Variants in RNF121 observed in about 807,000 individuals in gnomAD.
RNF121 encodes ring finger protein 121.
Under a neutral mutation model 46.5 loss-of-function variants are expected in RNF121, and 21 were observed. The observed-to-expected ratio is 0.45, with a 90% CI of 0.32 to 0.65. RNF121 has a LOEUF of 0.65. Among genes scored for constraint, RNF121 ranks in the 30% least tolerant of loss-of-function variants. The pLI is 0.04. For missense variants in RNF121, 346 were observed against 416.0 expected, an observed-to-expected ratio of 0.83 and a Z score of 1.46; for synonymous variants, 139 against 144.7, an observed-to-expected ratio of 0.96 and a Z score of 0.28.
In RNF121 at chr11:71,982,742, G is replaced by C; in HGVS notation, c.244-19G>C. 1 of 1,600,252 alleles carries C rather than the reference G, an allele frequency of 6.2e-7. No individual in the cohort carries two copies. Among genetic ancestry groups the C allele is most frequent in the Non-Finnish European group, 8.5e-7 (1 of 1,173,556 alleles). Reference sequence around the variant, plus strand: ...AGAGGGAGCTGGCCAGAGCTGAAGTGCTTGTGTTTGTGTTTCAGATGGTGA... The same window carrying C: ...AGAGGGAGCTGGCCAGAGCTGAAGTCCTTGTGTTTGTGTTTCAGATGGTGA... On this transcript the variant is annotated intron_variant, in intron 3 of 8. Coordinates refer to ENST00000361756, the MANE Select transcript of RNF121 (RefSeq NM_018320.5).
chr11:71,984,745 ATTTTTTTTTTT>A (rs56134788), intron 4 of RNF121, among the ~76,000 whole-genome samples: 4 of 94,868 alleles, frequency 4.2e-5, no homozygotes, highest in South Asian at 3.8e-4. Context: ...CACCCGGCTA[ATTTTTTTTTTT>A]TTTTTTTTTT....
Position 71,996,346 on chromosome 11 carries a change from C to T in RNF121, c.*31C>T, listed in dbSNP as rs759533522. ...AAGAGCATCAGTGGAAAACCCACCC[C>T]ACACGCCATGGACCTCAGGGCACTC... On this transcript the variant is annotated 3_prime_UTR_variant, in exon 9 of 9. Coordinates refer to ENST00000361756, the MANE Select transcript of RNF121 (RefSeq NM_018320.5). 57 of 1,611,514 alleles carry T rather than the reference C, an allele frequency of 3.5e-5. No homozygotes were observed. The highest frequency in any genetic ancestry group is 4.8e-5 in the Non-Finnish European group (57 of 1,178,682).
rs1953191469 is a variant in RNF121, at chr11:71,929,047, G to GGGCGAGCCGTGAAGAT, written c.-10_6dup. On this transcript the variant is annotated 5_prime_UTR_variant, in exon 1 of 9. It adds an upstream start codon to the 5' untranslated region. Coordinates refer to ENST00000361756, the MANE Select transcript of RNF121 (RefSeq NM_018320.5). Reference sequence around the variant, plus strand: ...GGCTCGCGCGGGGACTGCGGTGAGGGGGCGAGCCGTGAAGATGGCGGCAGT... The same window carrying GGGCGAGCCGTGAAGAT: ...GGCTCGCGCGGGGACTGCGGTGAGGGGGCGAGCCGTGAAGATGGCGAGCCGTGAAGATGGCGGCAGT... 6.4e-7 allele frequency: 1 copy of GGGCGAGCCGTGAAGAT among 1,551,088 alleles called. No homozygotes were observed.
At position 71,967,875 on chromosome 11, in the gene RNF121, A is replaced by T. The variant is rs55673306; in HGVS notation, c.243+6984A>T. Among the ~76,000 whole-genome samples the T allele has an allele frequency of 2.0e-3, 309 of 152,148 alleles. 2 individuals are homozygous for T. The highest frequency in any genetic ancestry group is 7.1e-3 in the African/African-American group (295 of 41,502). ...TATTATTCACAGCTTGAGCCATATG[A>T]TATATTTGGTACATTTTCTTTCCTT... On this transcript the variant is annotated intron_variant, in intron 3 of 8. Coordinates refer to ENST00000361756, the MANE Select transcript of RNF121 (RefSeq NM_018320.5).
In RNF121 at chr11:71,996,460, G is replaced by C; in HGVS notation, c.*145G>C. 1 of 928,888 alleles carries C rather than the reference G, an allele frequency of 1.1e-6. No individual in the cohort carries two copies. The highest frequency in any genetic ancestry group is 1.6e-6 in the Non-Finnish European group (1 of 634,978). The allele number at this position is 928,888 out of a possible 1,614,324, so 57.5% of individuals were successfully genotyped here. A position where few individuals can be genotyped will look rare whatever the true frequency, so the allele number is the denominator to read the frequency against. On this transcript the variant is annotated 3_prime_UTR_variant, in exon 9 of 9. Transcript: ENST00000361756. ...GACCCCTCTGGCTGTGTCGGACTGGGGAGGGATATGATGGAGAGCCAGCCA... is the reference window on the plus strand; with the variant it reads ...GACCCCTCTGGCTGTGTCGGACTGGCGAGGGATATGATGGAGAGCCAGCCA...
chr11:71,960,138 G>A (rs184474260), intron 2 of RNF121, among the ~76,000 whole-genome samples: 4 of 152,292 alleles, frequency 2.6e-5, no homozygotes, highest in Admixed American at 6.5e-5. Flanking sequence ...AGCCTTTGAG[G>A]AGGCTGTTTA....
At position 71,996,171 on chromosome 11, in the gene RNF121, CTCTTT is replaced by C; in HGVS notation, c.864-18_864-14del. 6.2e-7 allele frequency: 1 copy of C among 1,613,582 alleles called. No homozygotes were observed. The highest frequency in any genetic ancestry group is 8.5e-7 in the Non-Finnish European group (1 of 1,179,716). On this transcript the variant is annotated intron_variant, in intron 8 of 8. Coordinates refer to ENST00000361756, the MANE Select transcript of RNF121 (RefSeq NM_018320.5). ...ACTCCTGGCAGCTCTTGCACAGAGT[CTCTTT>C]TCTTTAACACACTGACAGCTGGGAG...
chr11:71,983,137 AT>A, intron 4 of RNF121: 1 of 379,238 alleles, frequency 2.6e-6, no homozygotes, highest in African/African-American at 2.1e-5. Context: ...GTTTCAAGGT[AT>A]TTTTATATTA....
At chr11:71,929,333 C>T (rs1953203812) in intron 1 of RNF121, among the ~76,000 whole-genome samples, 1 of 151,418 alleles carries the variant, frequency 6.6e-6, no homozygotes, top group African/African-American at 2.4e-5. Context: ...CTTGCATTAG[C>T]CTCAAGGGTG....
intron 1 of RNF121, among the ~76,000 whole-genome samples, chr11:71,942,500 C>T (rs1365171969): frequency 1.3e-5 from 2 of 151,926 alleles, no homozygotes; most frequent in African/African-American, 2.4e-5. Flanking sequence ...CAGTGGCTCA[C>T]GCCTGTAATC....
chr11:71,955,049 G>A (rs1953960074), intron 1 of RNF121, among the ~76,000 whole-genome samples: 1 of 152,120 alleles, frequency 6.6e-6, no homozygotes, highest in Non-Finnish European at 1.5e-5. Context: ...TATGTTCATG[G>A]GATGGAAACA....
chr11:71,971,016 A>G (rs1204610892), intron 3 of RNF121, among the ~76,000 whole-genome samples: 3 of 152,254 alleles, frequency 2.0e-5, no homozygotes, highest in Non-Finnish European at 2.9e-5. Flanking sequence ...CTAGATTTGT[A>G]CATAATACTG....
intron 3 of RNF121, among the ~76,000 whole-genome samples, chr11:71,972,905 G>A (rs1259091797): frequency 2.6e-5 from 4 of 152,116 alleles, no homozygotes; most frequent in Admixed American, 1.3e-4. Context: ...TAGGCTGGGC[G>A]GCTGGGTGCG....
At chr11:71,935,977 A>C (rs976690063) in intron 1 of RNF121, among the ~76,000 whole-genome samples, 90 of 147,970 alleles carry the variant, frequency 6.1e-4, no homozygotes, top group Non-Finnish European at 8.3e-4. Context: ...CCTCCTGAGT[A>C]GCTGGGACTA....
At chr11:71,993,935 G>A (rs1022209434) in intron 6 of RNF121, among the ~76,000 whole-genome samples, 4 of 151,264 alleles carry the variant, frequency 2.6e-5, no homozygotes, top group Admixed American at 1.3e-4. Flanking sequence ...CTGCCTCCCG[G>A]GTTCACGCCA....
chr11:71,932,108 G>A (rs760069025), intron 1 of RNF121, among the ~76,000 whole-genome samples: 1 of 152,130 alleles, frequency 6.6e-6, no homozygotes, highest in South Asian at 2.1e-4. Context: ...AAGTTGAGAC[G>A]TAATTTAGGC....
chr11:71,962,151 G>A (rs968393459), intron 3 of RNF121: 7 of 159,456 alleles, frequency 4.4e-5, no homozygotes, highest in African/African-American at 1.7e-4. Context: ...TGTATTTTTA[G>A]TAGAGACGGG....
intron 5 of RNF121, among the ~76,000 whole-genome samples, chr11:71,988,651 A>AG (rs1954811827): frequency 1.3e-5 from 2 of 150,378 alleles, no homozygotes; most frequent in Admixed American, 6.6e-5. Flanking sequence ...AAAAAAAAAA[A>AG]AAAAGAAAGA....
At chr11:71,943,461 C>T (rs1953636522) in intron 1 of RNF121, among the ~76,000 whole-genome samples, 1 of 152,206 alleles carries the variant, frequency 6.6e-6, no homozygotes, top group African/African-American at 2.4e-5. Context: ...TAAGGTAATG[C>T]TGTCAGCTTT....
Sources: allele counts gnomAD v4.1 joint callset (sites outside exome capture counted in the v4.1 genomes callset), GRCh38; gene constraint gnomAD v4.1.1; transcripts MANE v1.5; gene names NCBI Gene and HGNC (gene_info 2026-07-23, HGNC 2026-07-21).